Variants in LOC400499 observed in about 807,000 individuals in gnomAD.
At chr16:11,510,413 C>A in the LOC400499 span, among the ~76,000 whole-genome samples, 1 of 151,796 alleles carries the variant, frequency 6.6e-6, no homozygotes, top group Non-Finnish European at 1.5e-5. Flanking sequence ...TTCCTGTTTC[C>A]GCCCTGAATG....
the LOC400499 span, among the ~76,000 whole-genome samples, chr16:11,481,767 G>C: frequency 1.3e-5 from 2 of 152,032 alleles, no homozygotes; most frequent in African/African-American, 2.4e-5. Flanking sequence ...AGAATATCTG[G>C]TATTACAGGT....
the LOC400499 span, chr16:11,391,606 G>A: frequency 5.0e-6 from 6 of 1,207,464 alleles, no homozygotes; most frequent in South Asian, 4.2e-5. Context: ...TTAGGGCCCC[G>A]GTGGAGAGGG....
the LOC400499 span, chr16:11,514,447 T>C: frequency 2.5e-6 from 1 of 399,102 alleles, no homozygotes; most frequent in Non-Finnish European, 4.4e-6. Flanking sequence ...TTGCAGGAAG[T>C]GGCCCCGCGG....
At chr16:11,523,053 T>C in the LOC400499 span, among the ~76,000 whole-genome samples, 2 of 152,234 alleles carry the variant, frequency 1.3e-5, no homozygotes, top group African/African-American at 4.8e-5. Context: ...ATTCCTAAGA[T>C]GCTTCTCTCT....
chr16:11,497,104 G>A, the LOC400499 span, among the ~76,000 whole-genome samples: 1 of 152,176 alleles, frequency 6.6e-6, no homozygotes, highest in Non-Finnish European at 1.5e-5. Context: ...GTGCCTTGGT[G>A]TGAGCCTGTG....
chr16:11,392,486 C>A, the LOC400499 span: 1 of 399,110 alleles, frequency 2.5e-6, no homozygotes, highest in Non-Finnish European at 4.4e-6. Flanking sequence ...CAGCACCACA[C>A]TCTCCTCTCT....
the LOC400499 span, chr16:11,459,962 C>A: frequency 6.6e-7 from 1 of 1,512,336 alleles, no homozygotes; most frequent in Admixed American, 2.0e-5. Flanking sequence ...CACGGAGATG[C>A]CTCTTGTTGC....
the LOC400499 span, among the ~76,000 whole-genome samples, chr16:11,486,576 G>A: frequency 4.6e-5 from 4 of 86,660 alleles, no homozygotes; most frequent in South Asian, 4.6e-4. Context: ...ATGAATGGAT[G>A]ATGGATGGGT....
At chr16:11,495,878 G>T in the LOC400499 span, among the ~76,000 whole-genome samples, 2 of 152,180 alleles carry the variant, frequency 1.3e-5, no homozygotes, top group Non-Finnish European at 2.9e-5. Flanking sequence ...TAACCCAGGA[G>T]AGGCTGGCTC....
the LOC400499 span, among the ~76,000 whole-genome samples, chr16:11,458,807 A>G: frequency 6.6e-6 from 1 of 151,812 alleles, no homozygotes; most frequent in Admixed American, 6.6e-5. Flanking sequence ...GGCTGAGGTG[A>G]GCGGATCACC....
the LOC400499 span, among the ~76,000 whole-genome samples, chr16:11,501,925 T>C: frequency 6.6e-6 from 1 of 152,066 alleles, no homozygotes; most frequent in Non-Finnish European, 1.5e-5. Context: ...GCGCACATTC[T>C]CAGACTGAAG....
the LOC400499 span, chr16:11,493,775 C>A: frequency 2.6e-6 from 1 of 390,568 alleles, no homozygotes; most frequent in Non-Finnish European, 4.5e-6. Flanking sequence ...GCGTTGCCGA[C>A]TGCCTTCAGC....
the LOC400499 span, among the ~76,000 whole-genome samples, chr16:11,377,217 C>T: frequency 6.6e-6 from 1 of 152,198 alleles, no homozygotes; most frequent in African/African-American, 2.4e-5. Flanking sequence ...GAAACTTTGA[C>T]AAATTATTAG....
At chr16:11,462,279 T>C in the LOC400499 span, 6 of 1,509,210 alleles carry the variant, frequency 4.0e-6, no homozygotes, top group Non-Finnish European at 4.4e-6. Flanking sequence ...TCGCCACCCA[T>C]GGCTGGCTGC....
the LOC400499 span, among the ~76,000 whole-genome samples, chr16:11,495,870 A>G: frequency 2.6e-5 from 4 of 152,112 alleles, no homozygotes; most frequent in African/African-American, 4.8e-5. Flanking sequence ...CTGAGACTTA[A>G]CCCAGGAGAG....
chr16:11,514,327 AG>A, the LOC400499 span: 1 of 399,154 alleles, frequency 2.5e-6, no homozygotes, highest in Admixed American at 4.4e-5. Context: ...TGCCACGGCC[AG>A]GGGGTGGCCA....
At chr16:11,387,287 G>A in the LOC400499 span, 7 of 1,232,124 alleles carry the variant, frequency 5.7e-6, no homozygotes, top group African/African-American at 3.1e-5. Context: ...CACCACCACT[G>A]AGCGGTTCCT....
the LOC400499 span, among the ~76,000 whole-genome samples, chr16:11,488,222 G>A: frequency 2.0e-5 from 3 of 152,070 alleles, no homozygotes; most frequent in Non-Finnish European, 2.9e-5. Flanking sequence ...TTCTATTAAT[G>A]GTAGTGATAG....
At chr16:11,421,832 G>T in the LOC400499 span, among the ~76,000 whole-genome samples, 1 of 152,304 alleles carries the variant, frequency 6.6e-6, no homozygotes, top group East Asian at 1.9e-4. Flanking sequence ...CTGGGGTGTT[G>T]AAAAGTTCTG....
Sources: gnomAD v4.1 joint callset for allele counts (sites outside exome capture counted in the v4.1 genomes callset) on GRCh38, gnomAD v4.1.1 for gene constraint, MANE v1.5 for transcripts.